PDE4D: variants seen among roughly 807,000 people sequenced by gnomAD.
PDE4D encodes 3',5'-cyclic-AMP phosphodiesterase 4D.
Under a neutral mutation model 87.4 loss-of-function variants are expected in PDE4D, and 24 were observed. The ratio of observed to expected loss-of-function variants is 0.27; its 90% CI spans 0.20 to 0.39. The LOEUF (loss-of-function observed/expected upper bound fraction) is 0.39, where lower values mean the gene tolerates loss of function less well. Ranked by LOEUF, PDE4D falls within the 10% of genes least tolerant of loss-of-function variation. PDE4D has a pLI of 1.00. For missense variants in PDE4D, 714 were observed against 1,041.0 expected (o/e 0.69, Z 4.32); for synonymous variants, 384 against 383.2 (o/e 1.00, Z -0.02).
At chr5:58,995,017 T>C (rs1748883786) in intron 6 of PDE4D, among the ~76,000 whole-genome samples, 1 of 143,786 alleles carries the variant, frequency 7.0e-6, no homozygotes, top group Non-Finnish European at 1.5e-5. Context: ...TAAAGTATAA[T>C]AAAAATAAAA....
intron 1 of PDE4D, among the ~76,000 whole-genome samples, chr5:59,416,140 G>C (rs1279440059): frequency 6.6e-6 from 1 of 152,164 alleles, no homozygotes; most frequent in Non-Finnish European, 1.5e-5. Context: ...ACAGTTGTCA[G>C]AAAATGAACA....
In PDE4D at chr5:59,713,258, G is replaced by A. The variant is rs538697674; in HGVS notation, c.455+179910C>T. ...AATCTGATTTAAGGAAAATGTATGC[G>A]CTGCAGTCAATAGGCTGAGGCAGAC... On this transcript the variant is annotated intron_variant, in intron 1 of 14. Transcript: ENST00000340635. 8.5e-4 allele frequency among the ~76,000 whole-genome samples: 129 copies of A among 152,286 alleles called. 3 individuals are homozygous for A. In the South Asian group the frequency reaches 0.022, roughly 26 times the overall value.
chr5:60,302,584 A>C (rs1754000764), intron 1 of PDE4D, among the ~76,000 whole-genome samples: 1 of 151,830 alleles, frequency 6.6e-6, no homozygotes, highest in South Asian at 2.1e-4. Flanking sequence ...TCTAGCTAGC[A>C]GTCTCTTTTA....
intron 1 of PDE4D, among the ~76,000 whole-genome samples, chr5:59,633,177 A>C (rs1016229913): frequency 9.9e-5 from 15 of 152,180 alleles, no homozygotes; most frequent in African/African-American, 3.6e-4. Flanking sequence ...GCATGAAGAC[A>C]AGATTAGATA....
intron 1 of PDE4D, among the ~76,000 whole-genome samples, chr5:59,403,983 G>C (rs1791158851): frequency 6.6e-6 from 1 of 152,028 alleles, no homozygotes; most frequent in African/African-American, 2.4e-5. Context: ...CTGTCTTTTG[G>C]ATAAAAGCCA....
intron 1 of PDE4D, among the ~76,000 whole-genome samples, chr5:59,709,971 T>G (rs1345178117): frequency 1.3e-5 from 2 of 152,196 alleles, no homozygotes; most frequent in African/African-American, 4.8e-5. Context: ...GATTCCCTTC[T>G]GTGGGCACAG....
At chr5:59,515,803 G>A (rs975085993) in intron 1 of PDE4D, among the ~76,000 whole-genome samples, 6 of 152,102 alleles carry the variant, frequency 3.9e-5, no homozygotes, top group Non-Finnish European at 7.4e-5. Context: ...AGAGGGATAC[G>A]CCACAATTAT....
intron 1 of PDE4D, among the ~76,000 whole-genome samples, chr5:59,791,583 A>G (rs1765796877): frequency 6.6e-6 from 1 of 152,218 alleles, no homozygotes; most frequent in Admixed American, 6.5e-5. Context: ...CATTATTAAC[A>G]TGGTCTGTAG....
At chr5:59,408,393 T>C (rs900360384) in intron 1 of PDE4D, among the ~76,000 whole-genome samples, 4 of 152,184 alleles carry the variant, frequency 2.6e-5, no homozygotes, top group Admixed American at 6.5e-5. Flanking sequence ...TTTCAGAGGA[T>C]GTATCAGAAA....
intron 1 of PDE4D, among the ~76,000 whole-genome samples, chr5:59,617,780 A>G (rs949918800): frequency 1.3e-5 from 2 of 152,200 alleles, no homozygotes; most frequent in Non-Finnish European, 2.9e-5. Context: ...TAACTGTGAG[A>G]CAACACATTT....
At chr5:59,603,731 A>C (rs1827820581) in intron 1 of PDE4D, among the ~76,000 whole-genome samples, 1 of 151,998 alleles carries the variant, frequency 6.6e-6, no homozygotes, top group Non-Finnish European at 1.5e-5. Context: ...TTAGAATGGT[A>C]ATTACCAGGG....
chr5:60,502,849 A>G (rs1334895152), intron 1 of PDE4D, among the ~76,000 whole-genome samples: 1 of 152,158 alleles, frequency 6.6e-6, no homozygotes, highest in Non-Finnish European at 1.5e-5. Flanking sequence ...TTTCAGTTCT[A>G]GATTTAATAT....
intron 1 of PDE4D, among the ~76,000 whole-genome samples, chr5:59,223,240 A>G (rs576139120): frequency 6.6e-6 from 1 of 152,340 alleles, no homozygotes; most frequent in Non-Finnish European, 1.5e-5. Context: ...AGGAGAAAGA[A>G]TAATTTCCTA....
At chr5:59,168,678 AAGAG>A (rs140681291) in intron 5 of PDE4D, among the ~76,000 whole-genome samples, 6,656 of 151,918 alleles carry the variant, frequency 0.044, 198 homozygotes, top group Non-Finnish European at 0.064. Flanking sequence ...AAGAAAAAGA[AAGAG>A]AGAGAGAGAG....
intron 1 of PDE4D, among the ~76,000 whole-genome samples, chr5:60,292,264 T>C (rs980306214): frequency 6.6e-6 from 1 of 152,190 alleles, no homozygotes. Flanking sequence ...TGGTTTACAA[T>C]AACTGAGGAT....
intron 2 of PDE4D, among the ~76,000 whole-genome samples, chr5:60,104,443 A>C (rs953261205): frequency 3.9e-5 from 6 of 152,320 alleles, no homozygotes; most frequent in African/African-American, 1.4e-4. Context: ...GGCACAGACA[A>C]ACAAAAAGAC....
intron 2 of PDE4D, among the ~76,000 whole-genome samples, chr5:60,017,217 G>T (rs530397446): frequency 6.6e-6 from 1 of 152,296 alleles, no homozygotes; most frequent in South Asian, 2.1e-4. Flanking sequence ...ATATCATGCT[G>T]CAGACAGAAA....
intron 1 of PDE4D, among the ~76,000 whole-genome samples, chr5:60,332,705 T>G (rs1757411044): frequency 6.6e-6 from 1 of 152,228 alleles, no homozygotes; most frequent in Non-Finnish European, 1.5e-5. Flanking sequence ...ACAGAATTAT[T>G]AATCACTCAA....
intron 3 of PDE4D, among the ~76,000 whole-genome samples, chr5:59,188,663 G>C (rs1481503921): frequency 6.6e-6 from 1 of 152,136 alleles, no homozygotes; most frequent in Non-Finnish European, 1.5e-5. Context: ...TGCCACTGGC[G>C]GCGGAGGAAG....
Sources: allele counts gnomAD v4.1 joint callset (sites outside exome capture counted in the v4.1 genomes callset), GRCh38; gene constraint gnomAD v4.1.1; transcripts MANE v1.5; gene names NCBI Gene and HGNC (gene_info 2026-07-23, HGNC 2026-07-21).